Variants in TMEM59L observed in about 807,000 individuals in gnomAD.
TMEM59L encodes transmembrane protein 59 like.
Under a neutral mutation model 39.6 loss-of-function variants are expected in TMEM59L, and 31 were observed. The ratio of observed to expected loss-of-function variants is 0.78; its 90% CI spans 0.59 to 1.06. The LOEUF (loss-of-function observed/expected upper bound fraction) is 1.06, where lower values mean the gene tolerates loss of function less well. Ranked by LOEUF, TMEM59L falls within the 50% of genes least tolerant of loss-of-function variation. TMEM59L has a pLI of 0.00. For missense variants in TMEM59L, 441 were observed against 451.3 expected (o/e 0.98, Z 0.21); for synonymous variants, 219 against 202.9 (o/e 1.08, Z -0.68).
Position 18,620,611 on chromosome 19 carries a change from G to T in TMEM59L, c.*75G>T. On this transcript the variant is annotated 3_prime_UTR_variant, in exon 8 of 8. Coordinates refer to ENST00000262817, the MANE Select transcript of TMEM59L (RefSeq NM_012109.3). ...ACTTGCCCTGAGCCCAGGAGTCCAA[G>T]GGCAGGGTGGGTCCAGCCTTGAGCC... 6.5e-7 allele frequency: 1 copy of T among 1,543,834 alleles called. No homozygotes were observed. The highest frequency in any genetic ancestry group is 1.2e-5 in the South Asian group (1 of 83,718).
Sources: allele counts gnomAD v4.1 joint callset, GRCh38; gene constraint gnomAD v4.1.1; transcripts MANE v1.5; gene names NCBI Gene and HGNC (gene_info 2026-07-23, HGNC 2026-07-21).